LCN8: variants seen among roughly 807,000 people sequenced by gnomAD.
The protein encoded by LCN8 is epididymal-specific lipocalin-8.
A neutral mutation model predicts 22.8 loss-of-function variants in LCN8; 16 were observed. The observed-to-expected ratio is 0.70, with a 90% confidence interval of 0.47 to 1.06. The LOEUF is 1.06. Among genes scored for constraint, LCN8 ranks in the 50% least tolerant of loss-of-function variants. The pLI, the probability that LCN8 is intolerant of heterozygous loss-of-function variation, is 0.00. For synonymous variants in LCN8, 92 were observed against 83.4 expected, an observed-to-expected ratio of 1.10 and a Z score of -0.56; for missense variants, 189 against 203.3, an observed-to-expected ratio of 0.93 and a Z score of 0.43.
chr9:136,757,885 C>A, intron 1 of LCN8, 22 bp downstream of exon 1: 1 of 1,613,750 alleles, frequency 6.2e-7, no homozygotes, highest in Non-Finnish European at 8.5e-7. Flanking sequence ...AGGAGCCCCA[C>A]CAACTAAGAA....
chr9:136,757,801 G>T, intron 1 of LCN8, 106 bp downstream of exon 1: 2 of 1,606,736 alleles, frequency 1.2e-6, no homozygotes, highest in Non-Finnish European at 1.7e-6. Flanking sequence ...GTCTAGCCGG[G>T]CACCAGCGTC....
chr9:136,754,664 G>T (rs371379507), intron 6 of LCN8, 155 bp from the exon 7 acceptor site: 11 of 1,433,766 alleles, frequency 7.7e-6, no homozygotes, highest in African/African-American at 1.4e-5. Flanking sequence ...GCAAAATGGG[G>T]TAACAGGCCC....
At chr9:136,756,135 A>C in intron 3 of LCN8, 140 of 916,076 alleles carry the variant, frequency 1.5e-4, no homozygotes, top group East Asian at 2.3e-4. Flanking sequence ...AGCGCAGGGA[A>C]CAGCATGTGG....
At chr9:136,755,588 G>T (rs1481095874) in intron 3 of LCN8, 72 bp from the exon 4 acceptor site, 5 of 1,547,626 alleles carry the variant, frequency 3.2e-6, no homozygotes, top group South Asian at 2.4e-5. Flanking sequence ...GGTCTGCAGG[G>T]TCTAACTCCA....
chr9:136,754,477 T>A lies in LCN8; in HGVS notation c.*21A>T. On this transcript the variant is annotated 3_prime_UTR_variant, in exon 7 of 7. Coordinates refer to ENST00000371688, the MANE Select transcript of LCN8 (RefSeq NM_178469.4). ...GGGTGGGCGGGCGCTCCGAACCTTG[T>A]GGTCTGAGGCAGGAACTCCATTAAA... is the stretch of plus-strand genomic sequence containing the variant. 6.4e-7 allele frequency: 1 copy of A among 1,557,308 alleles called. No homozygotes were observed. Among genetic ancestry groups the A allele is most frequent in the Non-Finnish European group, 8.7e-7 (1 of 1,150,114 alleles).
chr9:136,755,885 TAGTGCAGGGAGCAGTGCGGGGAAC>T, intron 3 of LCN8: 1 of 1,233,992 alleles, frequency 8.1e-7, no homozygotes, highest in Non-Finnish European at 1.0e-6. Flanking sequence ...GCATGGGGAA[TAGTGCAGGGAGCAGTGCGGGGAAC>T]AGTGCAGGGA....
In LCN8 at chr9:136,755,341, G is replaced by T; in HGVS notation, c.332-8C>A. The T allele has an allele frequency of 6.2e-7, 1 of 1,609,816 alleles. No homozygotes were observed. Among genetic ancestry groups the T allele is most frequent in the East Asian group, 2.2e-5 (1 of 44,886 alleles). On this transcript the variant is annotated splice_region_variant and splice_polypyrimidine_tract_variant and intron_variant, in intron 4 of 6. Coordinates refer to ENST00000371688, the MANE Select transcript of LCN8 (RefSeq NM_178469.4). ...TGTCCTCAAGGCTCCGAGCTGTGGG[G>T]CACAGGGGGGCTGGGCGGGCAGTCC...
intron 1 of LCN8, chr9:136,757,546 G>T (rs979950534): frequency 7.3e-7 from 1 of 1,367,672 alleles, no homozygotes; most frequent in East Asian, 2.9e-5. Context: ...AGTGAGAAAC[G>T]CCAGAGAACA....
In LCN8 at chr9:136,758,078, C is replaced by T. The variant is rs1847252884; in HGVS notation, c.-148G>A. On this transcript the variant is annotated 5_prime_UTR_variant, in exon 1 of 7. It adds an upstream start codon to the 5' untranslated region. Coordinates refer to ENST00000371688, the MANE Select transcript of LCN8 (RefSeq NM_178469.4). Reference sequence around the variant, plus strand: ...CGGACAGTGCAGGCTTGTGCGCCCACCCGGGAATGTCATCAGGACAGCTTG... The same window carrying T: ...CGGACAGTGCAGGCTTGTGCGCCCATCCGGGAATGTCATCAGGACAGCTTG... The T allele has an allele frequency of 2.0e-6, 3 of 1,489,804 alleles. No individual in the cohort carries two copies. Among genetic ancestry groups the T allele is most frequent in the Admixed American group, 2.1e-5 (1 of 46,640 alleles). 92.3% of individuals were successfully genotyped at this position (1,489,804 alleles called of 1,614,324 possible). A position where few individuals can be genotyped will look rare whatever the true frequency, so the allele number is the denominator to read the frequency against.
In LCN8 at chr9:136,754,433, G is replaced by A; in HGVS notation, c.*65C>T. ...GCAGGTGCAGGTGACCTGGTGGGCAGGGTGCCCAGGAGGGGCAGGGGTGGG... is the reference window on the plus strand; with the variant it reads ...GCAGGTGCAGGTGACCTGGTGGGCAAGGTGCCCAGGAGGGGCAGGGGTGGG... On this transcript the variant is annotated 3_prime_UTR_variant, in exon 7 of 7. Coordinates refer to ENST00000371688, the MANE Select transcript of LCN8 (RefSeq NM_178469.4). 6.5e-7 allele frequency: 1 copy of A among 1,548,280 alleles called. No individual in the cohort carries two copies. Among genetic ancestry groups the A allele is most frequent in the Non-Finnish European group, 8.7e-7 (1 of 1,146,660 alleles).
At chr9:136,756,044 G>A in intron 3 of LCN8, 1 of 1,297,456 alleles carries the variant, frequency 7.7e-7, no homozygotes, top group Non-Finnish European at 1.0e-6. Flanking sequence ...GGGGAACAGT[G>A]CAGGGAGCAG....
At chr9:136,754,641 G>T (rs939153419) in intron 6 of LCN8, 132 bp from the exon 7 acceptor site, 7 of 1,445,240 alleles carry the variant, frequency 4.8e-6, no homozygotes, top group Non-Finnish European at 5.4e-6. Context: ...CTCCCTGAGC[G>T]CCTTCTCAAT....
At position 136,757,160 on chromosome 9, in the gene LCN8, T is replaced by C. The variant is rs754588748; in HGVS notation, c.33A>G (p.Gly11=). Residue 11 remains glycine (G), a synonymous_variant, in exon 2 of 7, where the codon GGA becomes GGG. Coordinates refer to ENST00000371688, the MANE Select transcript of LCN8 (RefSeq NM_178469.4). MEELDRQKIG[G]FWREVGVASD... ...AGGCCACACCGACTTCCCTCCAGAA[T>C]CCTCCAATCTAGAGAGATACGGAGC... 2 of 1,612,356 alleles carry C rather than the reference T, an allele frequency of 1.2e-6. No individual in the cohort carries two copies. Among genetic ancestry groups the C allele is most frequent in the South Asian group, 2.2e-5 (2 of 90,714 alleles).
In LCN8 at chr9:136,754,993, T is replaced by G. The variant is rs370088424; in HGVS notation, c.447+142A>C. On this transcript the variant is annotated intron_variant, in intron 6 of 6. Coordinates refer to ENST00000371688, the MANE Select transcript of LCN8 (RefSeq NM_178469.4). ...TCTCTGGAGCTGCCCACCAGTGGTG[T>G]TTGGTGTCCTGTTCACAGGAAGGGG... 6 of 1,420,106 alleles carry G rather than the reference T, an allele frequency of 4.2e-6. No individual in the cohort carries two copies. The East Asian group carries it at 7.7e-5, about 18-fold the overall frequency. 88.0% of individuals were successfully genotyped at this position (1,420,106 alleles called of 1,614,324 possible).
At chr9:136,758,367 G>T (rs1158738983), upstream of LCN8, 5 of 1,027,678 alleles carry the variant, frequency 4.9e-6, no homozygotes, top group Admixed American at 2.0e-4. Context: ...TGCGAGGGCT[G>T]TGGGCACTGA....
rs763779022 is a variant in LCN8, at chr9:136,757,967, AC to A, written c.-38del. ...CCTGCGCCCGGAGCACCACGAGGAC[AC>A]CCAGGATGGTGCACGGCAGCCTGGC... On this transcript the variant is annotated 5_prime_UTR_variant, in exon 1 of 7. Coordinates refer to ENST00000371688, the MANE Select transcript of LCN8 (RefSeq NM_178469.4). The A allele has an allele frequency of 8.5e-5, 137 of 1,611,880 alleles. No homozygotes were observed. The highest frequency in any genetic ancestry group is 1.0e-4 in the Non-Finnish European group (123 of 1,179,668).
rs1489216819 is a variant in LCN8, at chr9:136,758,083, G to A, written c.-153C>T. ...AGTGCAGGCTTGTGCGCCCACCCGG[G>A]AATGTCATCAGGACAGCTTGGCTGC... On this transcript the variant is annotated 5_prime_UTR_variant, in exon 1 of 7. Coordinates refer to ENST00000371688, the MANE Select transcript of LCN8 (RefSeq NM_178469.4). 1.3e-6 allele frequency: 2 copies of A among 1,487,668 alleles called. No homozygotes were observed. Among genetic ancestry groups the A allele is most frequent in the African/African-American group, 1.4e-5 (1 of 71,810 alleles). The allele number at this position is 1,487,668 out of a possible 1,614,324, so 92.2% of individuals were successfully genotyped here.
Position 136,757,951 on chromosome 9 carries a change from G to A in LCN8, c.-21C>T, listed in dbSNP as rs745835109. On this transcript the variant is annotated 5_prime_UTR_variant, in exon 1 of 7. Transcript: ENST00000371688. ...TCCATGGCTGCTGCCACCTGCGCCC[G>A]GAGCACCACGAGGACACCCAGGATG... The A allele has an allele frequency of 1.4e-5, 23 of 1,612,714 alleles. No homozygotes were observed. The highest frequency in any genetic ancestry group is 1.1e-4 in the East Asian group (5 of 44,874).
In LCN8 at chr9:136,758,096, A is replaced by G; in HGVS notation, c.-166T>C. 1 of 1,472,186 alleles carries G rather than the reference A, an allele frequency of 6.8e-7. No homozygotes were observed. The highest frequency in any genetic ancestry group is 9.0e-7 in the Non-Finnish European group (1 of 1,110,200). The allele number at this position is 1,472,186 out of a possible 1,614,324, so 91.2% of individuals were successfully genotyped here. A position where few individuals can be genotyped will look rare whatever the true frequency, so the allele number is the denominator to read the frequency against. ...GCGCCCACCCGGGAATGTCATCAGG[A>G]CAGCTTGGCTGCTGGCAGCTCAGAG... On this transcript the variant is annotated 5_prime_UTR_variant, in exon 1 of 7. Transcript: ENST00000371688.
Sources: allele counts gnomAD v4.1 joint callset, GRCh38; gene constraint gnomAD v4.1.1; transcripts MANE v1.5; gene names NCBI Gene and HGNC (gene_info 2026-07-23, HGNC 2026-07-21).